The following LRRC4C variants were observed in gnomAD, a reference collection of about 807,000 sequenced individuals.
LRRC4C encodes leucine-rich repeat-containing protein 4C.
LRRC4C carries 5 observed loss-of-function variants against 33.6 expected under a neutral mutation model. That is an observed-to-expected ratio of 0.15 (90% CI 0.08 to 0.31). The LOEUF is 0.31. Ranked by LOEUF, LRRC4C falls within the 10% of genes least tolerant of loss-of-function variation. LRRC4C has a pLI of 1.00. For synonymous variants in LRRC4C, 329 were observed against 302.0 expected (o/e 1.09, Z -0.93); for missense variants, 560 against 796.7 (o/e 0.70, Z 3.58).
At chr11:40,342,111 C>A (rs1946895905) in intron 3 of LRRC4C, among the ~76,000 whole-genome samples, 1 of 152,030 alleles carries the variant, frequency 6.6e-6, no homozygotes, top group African/African-American at 2.4e-5. Context: ...TAAACATCTC[C>A]AGTTTTTCCC....
intron 2 of LRRC4C, among the ~76,000 whole-genome samples, chr11:40,900,835 G>A (rs1956165855): frequency 6.6e-6 from 1 of 151,898 alleles, no homozygotes; most frequent in African/African-American, 2.4e-5. Context: ...ATAAATATCT[G>A]TGAGGTTAAT....
intron 5 of LRRC4C, among the ~76,000 whole-genome samples, chr11:40,168,360 C>A (rs749528483): frequency 1.4e-3 from 219 of 152,202 alleles, no homozygotes; most frequent in Non-Finnish European, 1.5e-3. Context: ...GCACACTGAC[C>A]AAAATAGTAG....
At chr11:40,819,861 C>CTCTA (rs1951857688) in intron 2 of LRRC4C, among the ~76,000 whole-genome samples, 1 of 151,938 alleles carries the variant, frequency 6.6e-6, no homozygotes, top group Non-Finnish European at 1.5e-5. Context: ...CATAGAAAAA[C>CTCTA]TCTAGGAAGC....
intron 2 of LRRC4C, among the ~76,000 whole-genome samples, chr11:40,795,538 T>A (rs1003132594): frequency 8.1e-4 from 123 of 151,480 alleles, no homozygotes; most frequent in African/African-American, 2.8e-3. Flanking sequence ...TCAAAATAAA[T>A]AAATAAATAA....
chr11:40,126,855 G>A lies in LRRC4C; in HGVS notation c.-42-10521C>T, dbSNP rs552982187. Among the ~76,000 whole-genome samples, 13 of 152,172 alleles carry A rather than the reference G, an allele frequency of 8.5e-5. No individual in the cohort carries two copies. The East Asian group carries it at 2.3e-3, about 27-fold the overall frequency. Reference sequence around the variant, plus strand: ...CATCCCTGTAATCCCAGCTACTCGGGAGGCTGAGGCAGGAGAATAGCTTGA... The same window carrying A: ...CATCCCTGTAATCCCAGCTACTCGGAAGGCTGAGGCAGGAGAATAGCTTGA... On this transcript the variant is annotated intron_variant, in intron 6 of 6. Coordinates refer to ENST00000528697, the MANE Select transcript of LRRC4C (RefSeq NM_001258419.2).
At chr11:40,432,052 T>C (rs1950957231) in intron 3 of LRRC4C, among the ~76,000 whole-genome samples, 1 of 152,188 alleles carries the variant, frequency 6.6e-6, no homozygotes, top group Non-Finnish European at 1.5e-5. Context: ...AGTGACTTGG[T>C]ATAAAACTTC....
At chr11:40,454,784 C>T (rs1038373401) in intron 3 of LRRC4C, among the ~76,000 whole-genome samples, 1 of 152,116 alleles carries the variant, frequency 6.6e-6, no homozygotes, top group African/African-American at 2.4e-5. Flanking sequence ...AATTTTCAGA[C>T]ACCTTTATGG....
chr11:41,155,757 TA>T (rs1339447159), intron 1 of LRRC4C, among the ~76,000 whole-genome samples: 1 of 152,174 alleles, frequency 6.6e-6, no homozygotes, highest in Non-Finnish European at 1.5e-5. Flanking sequence ...CCAATGTAAC[TA>T]ATCTTCTGAA....
chr11:40,973,700 A>G (rs1565259424), intron 1 of LRRC4C, among the ~76,000 whole-genome samples: 1 of 152,226 alleles, frequency 6.6e-6, no homozygotes, highest in Non-Finnish European at 1.5e-5. Context: ...TAGAAATATG[A>G]TTAATGTTAG....
At chr11:41,078,875 A>G (rs570479718) in intron 1 of LRRC4C, among the ~76,000 whole-genome samples, 18 of 152,288 alleles carry the variant, frequency 1.2e-4, no homozygotes, top group Non-Finnish European at 2.2e-4. Flanking sequence ...CGCCACCTCA[A>G]CTACTAATAA....
intron 5 of LRRC4C, among the ~76,000 whole-genome samples, chr11:40,174,481 A>G (rs1860305522): frequency 6.6e-6 from 1 of 152,202 alleles, no homozygotes. Flanking sequence ...AGACTGTTAG[A>G]AGGCTATGAA....
At chr11:40,915,277 T>A (rs1040277208) in intron 2 of LRRC4C, among the ~76,000 whole-genome samples, 2 of 151,952 alleles carry the variant, frequency 1.3e-5, no homozygotes, top group Non-Finnish European at 2.9e-5. Context: ...GAGGCATCAC[T>A]CTACCTGACT....
chr11:40,536,770 G>A (rs1281223933), intron 3 of LRRC4C, among the ~76,000 whole-genome samples: 2 of 151,412 alleles, frequency 1.3e-5, no homozygotes, highest in African/African-American at 4.9e-5. Context: ...TCTCTGCAAG[G>A]GCTTCATTAA....
At chr11:40,624,815 A>T (rs1372148420) in intron 3 of LRRC4C, among the ~76,000 whole-genome samples, 1 of 152,152 alleles carries the variant, frequency 6.6e-6, no homozygotes, top group East Asian at 1.9e-4. Flanking sequence ...TCAGTAAACC[A>T]TAAGTCTGGA....
intron 2 of LRRC4C, among the ~76,000 whole-genome samples, chr11:40,865,516 TA>T: frequency 6.7e-6 from 1 of 148,886 alleles, no homozygotes; most frequent in East Asian, 2.0e-4. Flanking sequence ...AGTGTGTATA[TA>T]TATATATATA....
At chr11:40,331,999 T>G (rs1015420037) in intron 3 of LRRC4C, among the ~76,000 whole-genome samples, 2 of 152,214 alleles carry the variant, frequency 1.3e-5, no homozygotes, top group African/African-American at 4.8e-5. Flanking sequence ...ATTAGCAGCA[T>G]TGACCCAAGT....
intron 3 of LRRC4C, among the ~76,000 whole-genome samples, chr11:40,488,493 A>G (rs1016910778): frequency 6.9e-6 from 1 of 144,632 alleles, no homozygotes; most frequent in Non-Finnish European, 1.5e-5. Context: ...TGCTTAGACT[A>G]TGGTATTCTA....
chr11:40,919,691 G>A (rs1957096365), intron 2 of LRRC4C, among the ~76,000 whole-genome samples: 1 of 152,090 alleles, frequency 6.6e-6, no homozygotes. Context: ...TTTGGAAAAT[G>A]CTTCCCATAA....
chr11:41,160,316 C>T (rs1944412818), intron 1 of LRRC4C, among the ~76,000 whole-genome samples: 1 of 151,276 alleles, frequency 6.6e-6, no homozygotes, highest in African/African-American at 2.4e-5. Flanking sequence ...CTGTATTGCA[C>T]CATGATCATA....
Sources: allele counts gnomAD v4.1 joint callset (sites outside exome capture counted in the v4.1 genomes callset), GRCh38; gene constraint gnomAD v4.1.1; transcripts MANE v1.5; gene names NCBI Gene and HGNC (gene_info 2026-07-23, HGNC 2026-07-21).